Variants in ZFP69 observed in about 807,000 individuals in gnomAD.
ZFP69 encodes the protein zinc finger protein 69 homolog.
ZFP69 carries 35 observed loss-of-function variants against 48.9 expected under a neutral mutation model. The observed-to-expected ratio is 0.72, with a 90% CI of 0.55 to 0.95. ZFP69 has a LOEUF of 0.95. Ranked by LOEUF, ZFP69 falls within the 40% of genes least tolerant of loss-of-function variation. ZFP69 has a pLI of 0.00. For synonymous variants in ZFP69, 193 were observed against 216.8 expected (o/e 0.89, Z 0.96); for missense variants, 557 against 638.4 (o/e 0.87, Z 1.37).
At chr1:40,487,298 T>G (rs891747646) in intron 3 of ZFP69, among the ~76,000 whole-genome samples, 1 of 152,176 alleles carries the variant, frequency 6.6e-6, no homozygotes, top group African/African-American at 2.4e-5. Flanking sequence ...AATAAATATA[T>G]TGAAACATTT....
In ZFP69 at chr1:40,477,818, C is replaced by A. The variant is rs558251355; in HGVS notation, c.-403C>A. The A allele has an allele frequency of 6.6e-6, 1 of 152,542 alleles. No individual in the cohort carries two copies. The highest frequency in any genetic ancestry group is 2.1e-4 in the South Asian group (1 of 4,822). The allele number at this position is 152,542 out of a possible 1,614,324, so 9.4% of individuals were successfully genotyped here. A position where few individuals can be genotyped will look rare whatever the true frequency, so the allele number is the denominator to read the frequency against. On this transcript the variant is annotated 5_prime_UTR_variant, in exon 1 of 6. Coordinates refer to ENST00000372706, the MANE Select transcript of ZFP69 (RefSeq NM_001320179.2). The surrounding 1 kb of genome is among the most constrained non-coding windows in gnomAD (Gnocchi z 4.0). ...CTCAGTCCGTCTCTAAAGAGACACT[C>A]TTTACCGCTGAAAACCTCAAGAGTG...
At chr1:40,494,292 G>A (rs1207726289) in intron 5 of ZFP69, among the ~76,000 whole-genome samples, 2 of 101,516 alleles carry the variant, frequency 2.0e-5, no homozygotes, top group African/African-American at 4.0e-5. Flanking sequence ...TTTTTGAGAC[G>A]GAGTCTCGCT....
chr1:40,478,398 C>T (rs140089658), intron 1 of ZFP69, among the ~76,000 whole-genome samples: 1 of 152,232 alleles, frequency 6.6e-6, no homozygotes, highest in East Asian at 1.9e-4. Flanking sequence ...CCCTCTTCCC[C>T]AATTTTAACA....
chr1:40,483,857 A>T (rs1274302405), intron 3 of ZFP69, among the ~76,000 whole-genome samples: 1 of 152,122 alleles, frequency 6.6e-6, no homozygotes, highest in Non-Finnish European at 1.5e-5. Context: ...CAGAAAGATC[A>T]CCTGAGGTCA....
chr1:40,494,793 T>C (rs1645611349), intron 5 of ZFP69, 128 bp from the exon 6 acceptor site: 1 of 696,660 alleles, frequency 1.4e-6, no homozygotes, highest in African/African-American at 1.8e-5. Context: ...TCCCATTACC[T>C]CTCCAAGCAG....
chr1:40,487,096 T>C (rs1044247477), intron 3 of ZFP69, among the ~76,000 whole-genome samples: 2 of 151,996 alleles, frequency 1.3e-5, no homozygotes. Flanking sequence ...AGCTAATTTT[T>C]GTATTTTTAG....
chr1:40,493,874 A>C (rs1645594122), intron 5 of ZFP69, among the ~76,000 whole-genome samples: 1 of 152,216 alleles, frequency 6.6e-6, no homozygotes, highest in Non-Finnish European at 1.5e-5. Context: ...TATCAAGTAA[A>C]AATCTTAAAG....
At chr1:40,485,992 C>G (rs1570025511) in intron 3 of ZFP69, among the ~76,000 whole-genome samples, 1 of 152,322 alleles carries the variant, frequency 6.6e-6, no homozygotes, top group East Asian at 1.9e-4. Flanking sequence ...CAACCTCCAC[C>G]TCCTGGGTTC....
rs187272521 is a variant in ZFP69 at position 40,495,717 on chromosome 1, C to T, written c.1239C>T (p.Cys413=). The change falls in exon 6 of 6, where the codon TGC becomes TGT. Residue 413 remains cysteine (C), a synonymous_variant. Coordinates refer to ENST00000372706, the MANE Select transcript of ZFP69 (RefSeq NM_001320179.2). ...RIHTGEKPYA[C]TACCKTFSHR... ...ATACCGGGGAGAAGCCCTATGCATG[C>T]ACTGCATGTTGTAAAACCTTTAGTC... 7.4e-6 allele frequency: 12 copies of T among 1,614,138 alleles called. No individual in the cohort carries two copies. In the Admixed American group the frequency reaches 1.0e-4, roughly 13 times the overall value.
chr1:40,478,059 G>T (rs1031892838), intron 1 of ZFP69, among the ~76,000 whole-genome samples, 165 bp downstream of exon 1: 2 of 151,722 alleles, frequency 1.3e-5, no homozygotes, highest in Non-Finnish European at 2.9e-5. Context: ...TGTATTCAGG[G>T]GTGGGATATT....
intron 3 of ZFP69, among the ~76,000 whole-genome samples, chr1:40,487,421 G>C (rs1180820749): frequency 6.6e-6 from 1 of 151,966 alleles, no homozygotes; most frequent in African/African-American, 2.4e-5. Flanking sequence ...ATATATGTAG[G>C]TACTAGTCTA....
At chr1:40,488,382 G>A (rs1304152229) in intron 3 of ZFP69, among the ~76,000 whole-genome samples, 2 of 152,164 alleles carry the variant, frequency 1.3e-5, no homozygotes, top group Non-Finnish European at 2.9e-5. Flanking sequence ...TGGCATTTGA[G>A]CTTAGGAAGG....
At chr1:40,491,632 C>T (rs189101452) in intron 5 of ZFP69, among the ~76,000 whole-genome samples, 14 of 152,244 alleles carry the variant, frequency 9.2e-5, no homozygotes, top group Non-Finnish European at 1.6e-4. Context: ...TGTTCATTGA[C>T]CATCCATCCA....
intron 1 of ZFP69, among the ~76,000 whole-genome samples, chr1:40,478,122 T>TCACACACA (rs5773698): frequency 0.017 from 2,529 of 147,236 alleles, 54 homozygotes; most frequent in African/African-American, 0.052. Context: ...CTGCATATAG[T>TCACACACA]CACACACACA....
intron 3 of ZFP69, among the ~76,000 whole-genome samples, chr1:40,486,763 TC>T (rs1645504803): frequency 1.3e-5 from 2 of 152,046 alleles, no homozygotes; most frequent in Middle Eastern, 3.4e-3. Flanking sequence ...CTTGATATTA[TC>T]CCACAGATTT....
At chr1:40,494,724 AATATAT>A (rs34727760) in intron 5 of ZFP69, among the ~76,000 whole-genome samples, 191 bp from the exon 6 acceptor site, 1 of 143,688 alleles carries the variant, frequency 7.0e-6, no homozygotes, top group Non-Finnish European at 1.5e-5. Context: ...ATATATATCA[AATATAT>A]ATATATATAT....
At chr1:40,481,679 G>A in intron 2 of ZFP69, 84 bp from the exon 3 acceptor site, 3 of 1,047,418 alleles carry the variant, frequency 2.9e-6, no homozygotes, top group African/African-American at 1.6e-5. Flanking sequence ...TGGGGGAGGA[G>A]CCACATTGAG....
chr1:40,480,225 T>G (rs1374169976), intron 2 of ZFP69, among the ~76,000 whole-genome samples: 2 of 152,136 alleles, frequency 1.3e-5, no homozygotes, highest in East Asian at 3.9e-4. Flanking sequence ...TAAGAAAAGT[T>G]ATTTTGGAAC....
In ZFP69 at chr1:40,477,691, A is replaced by T. The variant is rs1645402545; in HGVS notation, c.-530A>T. On this transcript the variant is annotated 5_prime_UTR_variant, in exon 1 of 6. In the 5' UTR this introduces an upstream ATG that the reference lacks. Coordinates refer to ENST00000372706, the MANE Select transcript of ZFP69 (RefSeq NM_001320179.2). The surrounding 1 kb of genome is among the most constrained non-coding windows in gnomAD (Gnocchi z 4.0). Reference sequence around the variant, plus strand: ...GGCCGAGGGTCCTCCGGGCTTCCGAAGGAAGCCGACCTCAACGCTGGACGC... The same window carrying T: ...GGCCGAGGGTCCTCCGGGCTTCCGATGGAAGCCGACCTCAACGCTGGACGC... The T allele has an allele frequency of 6.6e-6, 1 of 152,058 alleles. No homozygotes were observed. Among genetic ancestry groups the T allele is most frequent in the Non-Finnish European group, 1.5e-5 (1 of 67,986 alleles). The allele number at this position is 152,058 out of a possible 1,614,324, so 9.4% of individuals were successfully genotyped here.
Sources: allele counts gnomAD v4.1 joint callset (sites outside exome capture counted in the v4.1 genomes callset), GRCh38; gene constraint gnomAD v4.1.1; non-coding constraint Gnocchi (gnomAD v3.1); transcripts MANE v1.5; gene names NCBI Gene and HGNC (gene_info 2026-07-23, HGNC 2026-07-21).